CASTOR2: variants seen among roughly 807,000 people sequenced by gnomAD.
The protein encoded by CASTOR2 is cytosolic arginine sensor for mTORC1 subunit 2.
Under a neutral mutation model 31.2 loss-of-function variants are expected in CASTOR2, and 8 were observed. The observed-to-expected ratio is 0.26, with a 90% confidence interval of 0.15 to 0.46. CASTOR2 has a LOEUF of 0.46. Ranked by LOEUF, CASTOR2 falls within the 20% of genes least tolerant of loss-of-function variation. The pLI is 0.99. For missense variants in CASTOR2, 216 were observed against 382.1 expected (o/e 0.57, Z 3.62); for synonymous variants, 162 against 158.7 (o/e 1.02, Z -0.16).
chr7:74,990,955 A>C (rs1411469026), intron 1 of CASTOR2, among the ~76,000 whole-genome samples: 28 of 151,364 alleles, frequency 1.8e-4, no homozygotes, highest in African/African-American at 6.3e-4. Context: ...GGCGGCATGC[A>C]CCTGTAGTCC....
At position 75,024,933 on chromosome 7, in the gene CASTOR2, C is replaced by T; in HGVS notation, c.*234C>T. 1 of 952,744 alleles carries T rather than the reference C, an allele frequency of 1.0e-6. No homozygotes were observed. The highest frequency in any genetic ancestry group is 1.6e-6 in the Non-Finnish European group (1 of 641,204). 59.0% of individuals were successfully genotyped at this position (952,744 alleles called of 1,614,324 possible). ...CGACCCTCCAGAGAACGACCTTTCT[C>T]TTCCCTACCTCCCCCACCCCGGAAA... is the stretch of plus-strand genomic sequence containing the variant. On this transcript the variant is annotated 3_prime_UTR_variant, in exon 9 of 9. Transcript: ENST00000616305.
intron 1 of CASTOR2, among the ~76,000 whole-genome samples, chr7:75,002,893 G>C (rs1183550822): frequency 6.6e-6 from 1 of 152,010 alleles, no homozygotes; most frequent in East Asian, 1.9e-4. Flanking sequence ...TTCAAGACCC[G>C]CCTGGGCAAC....
chr7:74,994,830 A>G (rs1804301324), intron 1 of CASTOR2, among the ~76,000 whole-genome samples: 1 of 151,690 alleles, frequency 6.6e-6, no homozygotes, highest in Non-Finnish European at 1.5e-5. Flanking sequence ...GAGAGCCTGG[A>G]CCACGGTGGT....
At chr7:75,014,909 G>T (rs1205720411) in intron 2 of CASTOR2, among the ~76,000 whole-genome samples, 1 of 152,212 alleles carries the variant, frequency 6.6e-6, no homozygotes, top group African/African-American at 2.4e-5. Context: ...AGCCGCTTCC[G>T]CTGGGGAGGA....
At position 74,972,765 on chromosome 7, in the gene CASTOR2, C is replaced by T. The variant is rs587725415; in HGVS notation, c.113+7667C>T. On this transcript the variant is annotated intron_variant, in intron 1 of 8. Coordinates refer to ENST00000616305, the MANE Select transcript of CASTOR2 (RefSeq NM_001145064.3). ...CGCAATCTCGGCTCACTGCAACCTT[C>T]GCCTCCCAGGTTCAAGCAATTCTCC... Among the ~76,000 whole-genome samples, 8 of 149,766 alleles carry T rather than the reference C, an allele frequency of 5.3e-5. 1 individual carries two copies. The South Asian group carries it at 6.4e-4, about 12-fold the overall frequency.
intron 1 of CASTOR2, among the ~76,000 whole-genome samples, chr7:74,986,137 CCAGGCTGGT>C (rs1184773778): frequency 1.3e-5 from 2 of 151,782 alleles, no homozygotes; most frequent in African/African-American, 4.8e-5. Flanking sequence ...GCCACGTTGG[CCAGGCTGGT>C]CTTGAACTCC....
chr7:74,991,007 A>T (rs1265866318), intron 1 of CASTOR2, among the ~76,000 whole-genome samples: 1 of 147,864 alleles, frequency 6.8e-6, no homozygotes, highest in Non-Finnish European at 1.5e-5. Context: ...CAGGAGTTAG[A>T]GGCTGCAGTG....
At chr7:75,014,903 G>A (rs1804833081) in intron 2 of CASTOR2, among the ~76,000 whole-genome samples, 1 of 152,216 alleles carries the variant, frequency 6.6e-6, no homozygotes, top group South Asian at 2.1e-4. Context: ...ATCAGCAGCC[G>A]CTTCCGCTGG....
intron 7 of CASTOR2, among the ~76,000 whole-genome samples, chr7:75,024,158 TA>T (rs1584479411): frequency 6.6e-6 from 1 of 152,178 alleles, no homozygotes. Flanking sequence ...GGCATGGTGG[TA>T]CACGCCTATA....
chr7:75,013,081 G>C (rs1342902188), intron 2 of CASTOR2, among the ~76,000 whole-genome samples: 1 of 152,234 alleles, frequency 6.6e-6, no homozygotes, highest in Non-Finnish European at 1.5e-5. Flanking sequence ...ACCCCAGGAA[G>C]AAGGATGCTG....
At chr7:75,013,138 C>G (rs1554439635) in intron 2 of CASTOR2, among the ~76,000 whole-genome samples, 1 of 152,226 alleles carries the variant, frequency 6.6e-6, no homozygotes, top group African/African-American at 2.4e-5. Context: ...CCCCGTTCTG[C>G]AAACCTCCAG....
At chr7:74,996,666 AATGGATGC>A (rs1472551330) in intron 1 of CASTOR2, among the ~76,000 whole-genome samples, 1 of 143,054 alleles carries the variant, frequency 7.0e-6, no homozygotes, top group Non-Finnish European at 1.5e-5. Flanking sequence ...CAAAACCAGA[AATGGATGC>A]ATGGATGCTG....
chr7:74,974,381 G>T (rs1563053431), intron 1 of CASTOR2, among the ~76,000 whole-genome samples: 2 of 150,204 alleles, frequency 1.3e-5, no homozygotes, highest in East Asian at 4.0e-4. Context: ...AGGAAAAGAC[G>T]TGAGTCCTGT....
chr7:74,999,106 C>T (rs1227188439), intron 1 of CASTOR2, among the ~76,000 whole-genome samples: 1 of 152,116 alleles, frequency 6.6e-6, no homozygotes, highest in Admixed American at 6.6e-5. Context: ...CACCATTCTC[C>T]TGCCTCAGCC....
intron 1 of CASTOR2, among the ~76,000 whole-genome samples, chr7:74,976,938 C>T (rs1371267129): frequency 1.4e-5 from 2 of 146,184 alleles, no homozygotes; most frequent in Non-Finnish European, 3.0e-5. Flanking sequence ...AATCCCAGCA[C>T]CTGTGGGAGG....
chr7:74,991,408 C>T (rs1332010068), intron 1 of CASTOR2, among the ~76,000 whole-genome samples: 1 of 152,186 alleles, frequency 6.6e-6, no homozygotes, highest in African/African-American at 2.4e-5. Flanking sequence ...CACCACCCTC[C>T]TGTCCAGCCC....
chr7:75,020,669 T>G (rs1302038196), intron 6 of CASTOR2, among the ~76,000 whole-genome samples: 1 of 151,930 alleles, frequency 6.6e-6, no homozygotes, highest in Non-Finnish European at 1.5e-5. Context: ...TTTTGTATTT[T>G]TAGTAGAGAC....
Position 75,024,582 on chromosome 7 carries a change from A to C in CASTOR2, c.924+48A>C, listed in dbSNP as rs1434345795. ...CTCCAGGGCAGGGCCGGGGTGGGGA[A>C]GCAGGTTCCTGGGCTCACGGGCAGG... On this transcript the variant is annotated intron_variant, in intron 8 of 8. Transcript: ENST00000616305. 1.9e-6 allele frequency: 3 copies of C among 1,550,516 alleles called. No individual in the cohort carries two copies. In the African/African-American group the frequency reaches 4.1e-5, roughly 21 times the overall value.
rs1008699248 is a variant in CASTOR2 at position 75,027,723 on chromosome 7, G to A, written c.*3024G>A. On this transcript the variant is annotated 3_prime_UTR_variant, in exon 9 of 9. Transcript: ENST00000616305. ...CTGCCCCCTGGGGACCCTGCTCCTC[G>A]GTCACAGGGGGCCCCTTTAGTTTTC... 6 of 407,300 alleles carry A rather than the reference G, an allele frequency of 1.5e-5. No homozygotes were observed. Among genetic ancestry groups the A allele is most frequent in the Middle Eastern group, 7.3e-4 (1 of 1,364 alleles). 25.2% of individuals were successfully genotyped at this position (407,300 alleles called of 1,614,324 possible). A position where few individuals can be genotyped will look rare whatever the true frequency, so the allele number is the denominator to read the frequency against.
Sources: allele counts gnomAD v4.1 joint callset (sites outside exome capture counted in the v4.1 genomes callset), GRCh38; gene constraint gnomAD v4.1.1; transcripts MANE v1.5; gene names NCBI Gene and HGNC (gene_info 2026-07-23, HGNC 2026-07-21).